MAST4: variants seen among roughly 807,000 people sequenced by gnomAD.
The protein encoded by MAST4 is microtubule associated serine/threonine kinase family member 4.
In MAST4, 89 loss-of-function variants were observed where a neutral mutation model predicts 162.7. The ratio of observed to expected loss-of-function variants is 0.55; its 90% CI spans 0.46 to 0.65. The LOEUF (loss-of-function observed/expected upper bound fraction) is 0.65, where lower values mean the gene tolerates loss of function less well. Ranked by LOEUF, MAST4 falls within the 30% of genes least tolerant of loss-of-function variation. MAST4 has a pLI of 0.00. For missense variants in MAST4, 3,153 were observed against 3,374.0 expected (o/e 0.93, Z 1.62); for synonymous variants, 1,479 against 1,361.1 (o/e 1.09, Z -1.91).
chr5:66,658,478 T>G (rs1462842765), intron 1 of MAST4, among the ~76,000 whole-genome samples: 1 of 152,186 alleles, frequency 6.6e-6, no homozygotes, highest in African/African-American at 2.4e-5. Context: ...GTAAGTGGAA[T>G]TGTCAAGGCA....
intron 4 of MAST4, among the ~76,000 whole-genome samples, chr5:66,935,653 T>TC (rs1742658560): frequency 6.6e-6 from 1 of 150,906 alleles, no homozygotes; most frequent in Non-Finnish European, 1.5e-5. Context: ...TCCATAGACT[T>TC]TTTTCTTTCT....
At position 67,163,229 on chromosome 5, in the gene MAST4, T is replaced by C. The variant is rs1044387292; in HGVS notation, c.4050T>C (p.Thr1350=). The C allele has an allele frequency of 1.2e-6, 2 of 1,613,602 alleles. No individual in the cohort carries two copies. The highest frequency in any genetic ancestry group is 1.7e-6 in the Non-Finnish European group (2 of 1,179,868). ...GGTCCGGGCACATCCGGCCCAGCAC[T>C]CTCCACGGTCTTGCACCCAAACTCG... is the stretch of plus-strand genomic sequence containing the variant. ...PAGSGHIRPS[T]LHGLAPKLGG... The change falls in exon 29 of 29, where the codon ACT becomes ACC. Residue 1350 remains threonine (T), a synonymous_variant. Transcript: ENST00000403625. This position sits in a 1 kb window ranked among gnomAD's most constrained non-coding sequence, Gnocchi z 7.0.
In MAST4 at chr5:67,025,449, T is replaced by C. The variant is rs141750178; in HGVS notation, c.675-28955T>C. 9.5e-4 allele frequency among the ~76,000 whole-genome samples: 144 copies of C among 152,248 alleles called. 2 individuals are homozygous for C. Among genetic ancestry groups the C allele is most frequent in the African/African-American group, 3.4e-3 (141 of 41,548 alleles). Reference sequence around the variant, plus strand: ...AGTTTCTGGTTAGTGAAAATAATAATTTTTTTAAACAAGCCAAGTTAGTGG... The same window carrying C: ...AGTTTCTGGTTAGTGAAAATAATAACTTTTTTAAACAAGCCAAGTTAGTGG... On this transcript the variant is annotated intron_variant, in intron 4 of 28. Transcript: ENST00000403625.
chr5:66,608,399 A>G (rs1309240078), intron 1 of MAST4, among the ~76,000 whole-genome samples: 1 of 121,780 alleles, frequency 8.2e-6, no homozygotes, highest in African/African-American at 3.2e-5. Context: ...TGGCGAGAAC[A>G]TTAAGGTCTA....
At chr5:66,896,063 A>G (rs1486766558) in intron 3 of MAST4, among the ~76,000 whole-genome samples, 1 of 152,194 alleles carries the variant, frequency 6.6e-6, no homozygotes, top group Non-Finnish European at 1.5e-5. Flanking sequence ...CTGATTGAGA[A>G]TCCAATTCAA....
chr5:66,696,747 ATT>A (rs10711159), intron 1 of MAST4, among the ~76,000 whole-genome samples: 3,675 of 150,230 alleles, frequency 0.024, 73 homozygotes, highest in Non-Finnish European at 0.036. Context: ...TATCATCTGC[ATT>A]TTTTTTTTTA....
intron 1 of MAST4, among the ~76,000 whole-genome samples, chr5:66,687,137 A>G (rs1344713922): frequency 6.6e-6 from 1 of 152,042 alleles, no homozygotes; most frequent in Non-Finnish European, 1.5e-5. Flanking sequence ...ACATGGATAT[A>G]TTTCTTAATG....
At chr5:66,674,419 C>G (rs577917039) in intron 1 of MAST4, among the ~76,000 whole-genome samples, 47 of 152,272 alleles carry the variant, frequency 3.1e-4, no homozygotes, top group African/African-American at 1.1e-3. Context: ...ACTTGGAGTT[C>G]TGGATCCATT....
chr5:66,826,384 C>T (rs1342881372), intron 3 of MAST4, among the ~76,000 whole-genome samples: 2 of 151,878 alleles, frequency 1.3e-5, no homozygotes, highest in Non-Finnish European at 2.9e-5. Flanking sequence ...TTTATCACTC[C>T]CACCACCTCC....
At chr5:66,853,192 T>C (rs1283836545) in intron 3 of MAST4, among the ~76,000 whole-genome samples, 8 of 152,220 alleles carry the variant, frequency 5.3e-5, no homozygotes, top group African/African-American at 1.9e-4. Flanking sequence ...GGGAAGAAAA[T>C]AGAGGCATGT....
chr5:66,667,449 G>A (rs75382289), intron 1 of MAST4, among the ~76,000 whole-genome samples: 5 of 152,022 alleles, frequency 3.3e-5, no homozygotes, highest in Admixed American at 6.6e-5. Flanking sequence ...AGATTCAGTC[G>A]CATTTTAGGA....
Position 67,131,858 on chromosome 5 carries a change from T to C in MAST4, c.2000T>C (p.Val667Ala). The C allele has an allele frequency of 4.3e-6, 7 of 1,613,318 alleles. No homozygotes were observed. Among genetic ancestry groups the C allele is most frequent in the Non-Finnish European group, 5.9e-6 (7 of 1,179,384 alleles). Residue 667 changes from valine to alanine, a missense_variant, in exon 16 of 29, where the codon GTT becomes GCT. By Grantham distance (64) the Val-to-Ala change is moderately conservative. Around this residue, in one of 7 missense-constraint regions of MAST4, gnomAD observed 131 missense variants for 253.8 expected, o/e 0.52. Coordinates refer to ENST00000403625, the MANE Select transcript of MAST4 (RefSeq NM_001164664.2). ...ATGAAAAACATGGGTCCTCTCCCTGTTGATATGGCCAGAATGTACTTTGCT... is the reference window on the plus strand; with the variant it reads ...ATGAAAAACATGGGTCCTCTCCCTGCTGATATGGCCAGAATGTACTTTGCT... ...TLMKNMGPLP[V>A]DMARMYFAET... is the part of the protein sequence containing the mutation.
chr5:66,943,773 G>A (rs1208756064), intron 4 of MAST4, among the ~76,000 whole-genome samples: 3 of 152,076 alleles, frequency 2.0e-5, no homozygotes, highest in Admixed American at 6.6e-5. Flanking sequence ...TTTCCCTGTG[G>A]TAGCGTTCTG....
intron 13 of MAST4, among the ~76,000 whole-genome samples, chr5:67,119,078 G>C (rs1767265481): frequency 6.6e-6 from 1 of 152,182 alleles, no homozygotes; most frequent in Non-Finnish European, 1.5e-5. Flanking sequence ...GCAGAAACTA[G>C]AGCACTTGAG....
chr5:66,714,098 T>G (rs76534931), intron 1 of MAST4, among the ~76,000 whole-genome samples: 2,683 of 152,322 alleles, frequency 0.018, 73 homozygotes, highest in African/African-American at 0.06. Flanking sequence ...CACATAGGTG[T>G]CTAACACCAA....
chr5:66,764,989 A>G (rs530333104), intron 2 of MAST4, among the ~76,000 whole-genome samples: 10 of 152,198 alleles, frequency 6.6e-5, no homozygotes, highest in African/African-American at 2.4e-4. Flanking sequence ...ACCACTTTTT[A>G]TCTTTTATAT....
At chr5:66,731,928 C>G (rs1751882851) in intron 1 of MAST4, among the ~76,000 whole-genome samples, 2 of 151,670 alleles carry the variant, frequency 1.3e-5, no homozygotes, top group Non-Finnish European at 2.9e-5. Flanking sequence ...ATCTGTGACT[C>G]TGTCCTCCTT....
intron 1 of MAST4, 124 bp downstream of exon 1, chr5:66,597,142 G>A: frequency 1.7e-6 from 2 of 1,198,214 alleles, no homozygotes; most frequent in Non-Finnish European, 2.1e-6. Flanking sequence ...GACCCCAAGC[G>A]CTCTGCCCCG....
intron 1 of MAST4, among the ~76,000 whole-genome samples, chr5:66,739,528 C>T (rs1468707262): frequency 2.0e-5 from 3 of 152,144 alleles, no homozygotes; most frequent in East Asian, 1.9e-4. Flanking sequence ...AGAGGCATTT[C>T]GACTTTGTTT....
Sources: gnomAD v4.1 joint callset for allele counts (sites outside exome capture counted in the v4.1 genomes callset) on GRCh38, gnomAD v4.1.1 for gene constraint, gnomAD v4.1.1 regional missense constraint, Gnocchi (gnomAD v3.1) non-coding constraint, MANE v1.5 for transcripts, NCBI Gene and HGNC (gene_info 2026-07-23, HGNC 2026-07-21) for gene names.